CADM2: variants seen among roughly 807,000 people sequenced by gnomAD.
The protein encoded by CADM2 is cell adhesion molecule 2.
Under a neutral mutation model 49.8 loss-of-function variants are expected in CADM2, and 12 were observed. The observed-to-expected ratio is 0.24, with a 90% CI of 0.15 to 0.39. The LOEUF (loss-of-function observed/expected upper bound fraction) is 0.39. CADM2 is among the 10% of genes least tolerant of loss of function. The pLI, the probability that CADM2 is intolerant of heterozygous loss-of-function variation, is 1.00. For synonymous variants in CADM2, 214 were observed against 175.4 expected (o/e 1.22, Z -1.74); for missense variants, 378 against 492.3 (o/e 0.77, Z 2.20).
At chr3:85,593,410 C>G (rs909425708) in intron 1 of CADM2, among the ~76,000 whole-genome samples, 1 of 151,932 alleles carries the variant, frequency 6.6e-6, no homozygotes, top group Admixed American at 6.6e-5. Context: ...ATTTTTTCAT[C>G]TATAAAATGA....
At chr3:85,261,009 G>T (rs1367232290) in intron 1 of CADM2, among the ~76,000 whole-genome samples, 1 of 151,886 alleles carries the variant, frequency 6.6e-6, no homozygotes, top group African/African-American at 2.4e-5. Context: ...TTTCATTTTT[G>T]ATGAAGAAAA....
At chr3:85,256,238 C>T (rs1289845465) in intron 1 of CADM2, among the ~76,000 whole-genome samples, 2 of 152,152 alleles carry the variant, frequency 1.3e-5, no homozygotes, top group African/African-American at 2.4e-5. Context: ...GCTCTTTTCT[C>T]ATCAGGATCA....
At chr3:85,503,265 C>A (rs550080629) in intron 1 of CADM2, among the ~76,000 whole-genome samples, 60 of 152,180 alleles carry the variant, frequency 3.9e-4, no homozygotes, top group African/African-American at 1.4e-3. Context: ...CATTTCATTT[C>A]TGGATTTGCA....
intron 1 of CADM2, among the ~76,000 whole-genome samples, chr3:85,440,314 C>G (rs930957829): frequency 6.6e-6 from 1 of 152,166 alleles, no homozygotes; most frequent in African/African-American, 2.4e-5. Context: ...ATTCTTCAGC[C>G]TCTCATTTCC....
chr3:85,462,522 A>T (rs2038297425), intron 1 of CADM2, among the ~76,000 whole-genome samples: 1 of 152,168 alleles, frequency 6.6e-6, no homozygotes, highest in Non-Finnish European at 1.5e-5. Flanking sequence ...CTATTATTGC[A>T]TGCTGACTTC....
At chr3:85,880,433 T>TTATTA (rs1446903525) in intron 3 of CADM2, among the ~76,000 whole-genome samples, 2 of 152,300 alleles carry the variant, frequency 1.3e-5, no homozygotes, top group Non-Finnish European at 2.9e-5. Flanking sequence ...CAAGATTTCC[T>TTATTA]CTTATTACTA....
At chr3:85,492,462 C>A (rs1384971888) in intron 1 of CADM2, among the ~76,000 whole-genome samples, 1 of 151,890 alleles carries the variant, frequency 6.6e-6, no homozygotes, top group African/African-American at 2.4e-5. Context: ...CATGATAGTG[C>A]GTGCCTGTAG....
chr3:85,859,103 A>C (rs1000714719), intron 3 of CADM2, among the ~76,000 whole-genome samples: 1 of 152,172 alleles, frequency 6.6e-6, no homozygotes, highest in Admixed American at 6.5e-5. Context: ...TGAAAAAGTA[A>C]TAAACGTTAT....
chr3:85,506,946 ATT>A (rs1298384992), intron 1 of CADM2, among the ~76,000 whole-genome samples: 1 of 152,172 alleles, frequency 6.6e-6, no homozygotes, highest in Non-Finnish European at 1.5e-5. Context: ...CACTTAAGTT[ATT>A]TACTTTAAAG....
At chr3:85,730,812 G>T (rs2067901057) in intron 2 of CADM2, among the ~76,000 whole-genome samples, 1 of 152,028 alleles carries the variant, frequency 6.6e-6, no homozygotes, top group Non-Finnish European at 1.5e-5. Flanking sequence ...TGATTTGGGG[G>T]CTTTATTTTT....
chr3:85,911,851 C>G lies in CADM2; in HGVS notation c.530-522C>G, dbSNP rs971869530. Among the ~76,000 whole-genome samples the G allele has an allele frequency of 7.9e-5, 12 of 152,110 alleles. No homozygotes were observed. In the East Asian group the frequency reaches 1.5e-3, roughly 20 times the overall value. On this transcript the variant is annotated intron_variant, in intron 5 of 9. Coordinates refer to ENST00000383699, the MANE Select transcript of CADM2 (RefSeq NM_001167675.2). Reference sequence around the variant, plus strand: ...GATTATAAGCTAGGTAAGCCTGAGACCAAAGAAATAAAATTGCTGCGCCCC... The same window carrying G: ...GATTATAAGCTAGGTAAGCCTGAGAGCAAAGAAATAAAATTGCTGCGCCCC...
rs576529874 is a variant in CADM2 at position 85,640,833 on chromosome 3, G to T, written c.62-85689G>T. Among the ~76,000 whole-genome samples, 44 of 146,226 alleles carry T rather than the reference G, an allele frequency of 3.0e-4. 1 individual carries two copies. In the South Asian group the frequency reaches 9.5e-3, roughly 32 times the overall value. ...GAATTTCAGTTAGAAAGTGATTTAG[G>T]TCTGATCCAAGATGATGACATTAGG... On this transcript the variant is annotated intron_variant, in intron 1 of 9. Transcript: ENST00000383699.
chr3:85,218,946 A>C (rs2107787920), intron 1 of CADM2, among the ~76,000 whole-genome samples: 1 of 152,312 alleles, frequency 6.6e-6, no homozygotes, highest in Admixed American at 6.5e-5. Flanking sequence ...CTTTTGGTTG[A>C]AACTCACCAA....
At chr3:85,352,946 A>C (rs2107244493) in intron 1 of CADM2, among the ~76,000 whole-genome samples, 1 of 152,198 alleles carries the variant, frequency 6.6e-6, no homozygotes, top group Middle Eastern at 3.4e-3. Flanking sequence ...ATTTAATACT[A>C]GTGAGTCCTT....
intron 1 of CADM2, among the ~76,000 whole-genome samples, chr3:85,418,961 T>C (rs6808490): frequency 0.029 from 3,137 of 107,520 alleles, 103 homozygotes; most frequent in African/African-American, 0.08. Flanking sequence ...TTGGTTCATT[T>C]TGAGAGGGGA....
At chr3:85,412,859 T>C (rs1292574602) in intron 1 of CADM2, among the ~76,000 whole-genome samples, 1 of 152,038 alleles carries the variant, frequency 6.6e-6, no homozygotes, top group Non-Finnish European at 1.5e-5. Flanking sequence ...ATTTTCCTTA[T>C]TAAAATGCTG....
At chr3:85,492,232 G>A (rs780664641) in intron 1 of CADM2, among the ~76,000 whole-genome samples, 13 of 152,150 alleles carry the variant, frequency 8.5e-5, no homozygotes, top group Admixed American at 2.0e-4. Context: ...TTGGGAAGAT[G>A]TACTTTGTTA....
At position 85,116,441 on chromosome 3, in the gene CADM2, AAAT is replaced by A. The variant is rs369782578; in HGVS notation, c.61+156779_61+156781del. Among the ~76,000 whole-genome samples, 712 of 152,258 alleles carry A rather than the reference AAAT, an allele frequency of 4.7e-3. 6 individuals are homozygous for A. The highest frequency in any genetic ancestry group is 0.017 in the African/African-American group (690 of 41,558). ...ACTAGTTTAAAAAATAAGAAAATTA[AAAT>A]AATAAGCTTCAAGTTCCTGAGTTAT... On this transcript the variant is annotated intron_variant, in intron 1 of 9. Transcript: ENST00000383699.
At chr3:85,784,978 T>A (rs926220551) in intron 2 of CADM2, among the ~76,000 whole-genome samples, 4 of 152,176 alleles carry the variant, frequency 2.6e-5, no homozygotes, top group African/African-American at 9.6e-5. Context: ...ATTAATCTTT[T>A]CAGATTTTGT....
Sources: gnomAD v4.1 joint callset for allele counts (sites outside exome capture counted in the v4.1 genomes callset) on GRCh38, gnomAD v4.1.1 for gene constraint, MANE v1.5 for transcripts, NCBI Gene and HGNC (gene_info 2026-07-23, HGNC 2026-07-21) for gene names.